Variants in EXOC4 observed in about 807,000 individuals in gnomAD.
EXOC4 encodes SEC8-like 1.
Under a neutral mutation model 107.2 loss-of-function variants are expected in EXOC4, and 71 were observed. That is an observed-to-expected ratio of 0.66 (90% confidence interval 0.55 to 0.81). The LOEUF (loss-of-function observed/expected upper bound fraction) is 0.81, where lower values mean the gene tolerates loss of function less well. EXOC4 is among the 30% of genes least tolerant of loss of function. The pLI, the probability that EXOC4 is intolerant of heterozygous loss-of-function variation, is 0.00. For synonymous variants in EXOC4, 456 were observed against 441.2 expected (o/e 1.03, Z -0.42); for missense variants, 1,108 against 1,189.6 (o/e 0.93, Z 1.01).
In EXOC4 at chr7:134,064,333, G is replaced by T. The variant is rs769212909; in HGVS notation, c.2730G>T (p.Leu910=). Residue 910 remains leucine, a synonymous_variant, in exon 18 of 18, where the codon CTG becomes CTT. Coordinates refer to ENST00000253861, the MANE Select transcript of EXOC4 (RefSeq NM_021807.4). The part of the protein sequence containing the change: ...EMLYNTADEL[L]NLVVDQGVKY... Reference sequence around the variant, plus strand: ...TTTACAACACAGCTGACGAGCTCCTGAACCTGGTGGTGGACCAGGGTGTGA... The same window carrying T: ...TTTACAACACAGCTGACGAGCTCCTTAACCTGGTGGTGGACCAGGGTGTGA... The T allele has an allele frequency of 6.6e-7, 1 of 1,514,760 alleles. No individual in the cohort carries two copies. The allele number at this position is 1,514,760 out of a possible 1,614,324, so 93.8% of individuals were successfully genotyped here.
At chr7:134,077,882 T>A in the EXOC4 span, among the ~76,000 whole-genome samples, 1 of 152,188 alleles carries the variant, frequency 6.6e-6, no homozygotes, top group African/African-American at 2.4e-5. Flanking sequence ...ATACTTGAAG[T>A]CACTAGTTAC....
intron 10 of EXOC4, among the ~76,000 whole-genome samples, chr7:133,706,929 T>A (rs2151092381): frequency 6.6e-6 from 1 of 152,310 alleles, no homozygotes; most frequent in East Asian, 1.9e-4. Flanking sequence ...ACTGTCACAC[T>A]GGGGATTAGG....
At chr7:133,323,568 A>G (rs1282040801) in intron 5 of EXOC4, among the ~76,000 whole-genome samples, 1 of 152,120 alleles carries the variant, frequency 6.6e-6, no homozygotes, top group South Asian at 2.1e-4. Context: ...AGCCCACTTG[A>G]TCATGGTGGA....
At chr7:133,567,080 T>G (rs1038570029) in intron 9 of EXOC4, among the ~76,000 whole-genome samples, 7 of 152,124 alleles carry the variant, frequency 4.6e-5, no homozygotes, top group African/African-American at 1.7e-4. Context: ...AAAAGTAAAT[T>G]TAAATAGGCA....
At chr7:133,312,149 G>C (rs1206132941) in intron 4 of EXOC4, among the ~76,000 whole-genome samples, 2 of 152,132 alleles carry the variant, frequency 1.3e-5, no homozygotes, top group Admixed American at 1.3e-4. Context: ...AAAATATTCA[G>C]CTTAAATGTT....
At chr7:134,000,423 T>C (rs1485611117) in intron 15 of EXOC4, among the ~76,000 whole-genome samples, 1 of 152,170 alleles carries the variant, frequency 6.6e-6, no homozygotes, top group African/African-American at 2.4e-5. Flanking sequence ...TGTGGCTTGT[T>C]CATTGTGATG....
intron 3 of EXOC4, among the ~76,000 whole-genome samples, chr7:133,292,516 G>C (rs1490487159): frequency 1.3e-5 from 2 of 152,106 alleles, no homozygotes; most frequent in Non-Finnish European, 2.9e-5. Flanking sequence ...ACTGGTTGCT[G>C]GTGCATAAGG....
intron 9 of EXOC4, chr7:133,480,633 TACCAA>T (rs1799132713): frequency 6.3e-6 from 1 of 159,334 alleles, no homozygotes; most frequent in African/African-American, 2.4e-5. Context: ...CATGTATAGT[TACCAA>T]AGAGTTGTAA....
intron 7 of EXOC4, among the ~76,000 whole-genome samples, chr7:133,433,735 G>A (rs1797905902): frequency 2.0e-5 from 3 of 152,252 alleles, no homozygotes; most frequent in South Asian, 4.2e-4. Context: ...ATTGTTCAAT[G>A]GCACCTATTT....
chr7:133,274,058 T>C lies in EXOC4; in HGVS notation c.87-924T>C, dbSNP rs61329675. 4.6e-5 allele frequency among the ~76,000 whole-genome samples: 7 copies of C among 152,276 alleles called. No individual in the cohort carries two copies. The East Asian group carries it at 1.4e-3, about 29-fold the overall frequency. ...TAGTGGGGGAAACAAAGATCTGTGG[T>C]CCATGTATCAAACGAAGTTATTGAA... On this transcript the variant is annotated intron_variant, in intron 1 of 17. Coordinates refer to ENST00000253861, the MANE Select transcript of EXOC4 (RefSeq NM_021807.4).
chr7:133,345,620 G>A (rs1204742703), intron 5 of EXOC4, among the ~76,000 whole-genome samples: 1 of 152,046 alleles, frequency 6.6e-6, no homozygotes, highest in African/African-American at 2.4e-5. Context: ...TTCAACAGAT[G>A]TCAATTTTGT....
At chr7:133,547,326 TGA>T (rs1800501167) in intron 9 of EXOC4, among the ~76,000 whole-genome samples, 1 of 152,234 alleles carries the variant, frequency 6.6e-6, no homozygotes, top group African/African-American at 2.4e-5. Flanking sequence ...GATGATCATC[TGA>T]GCCTTCAGCA....
chr7:133,277,336 T>C (rs1026844839), intron 2 of EXOC4, among the ~76,000 whole-genome samples: 10 of 152,218 alleles, frequency 6.6e-5, no homozygotes, highest in Non-Finnish European at 1.3e-4. Context: ...TTGCCTCAGG[T>C]AATAACAGCA....
At chr7:133,579,987 G>A (rs901000625) in intron 9 of EXOC4, among the ~76,000 whole-genome samples, 7 of 152,146 alleles carry the variant, frequency 4.6e-5, no homozygotes, top group Non-Finnish European at 7.3e-5. Context: ...GAGCCACTGC[G>A]CCCGGCCCAC....
At chr7:133,608,043 G>A (rs1162505310) in intron 9 of EXOC4, among the ~76,000 whole-genome samples, 4 of 151,948 alleles carry the variant, frequency 2.6e-5, no homozygotes, top group Non-Finnish European at 2.9e-5. Context: ...TTTGAAATCC[G>A]GCATTTGTTA....
At chr7:133,693,576 T>G (rs1794467807) in intron 10 of EXOC4, among the ~76,000 whole-genome samples, 1 of 152,140 alleles carries the variant, frequency 6.6e-6, no homozygotes. Flanking sequence ...ATTACACAGT[T>G]AGAAAGTCGT....
intron 10 of EXOC4, among the ~76,000 whole-genome samples, chr7:133,656,324 T>C (rs1803294456): frequency 6.6e-6 from 1 of 152,102 alleles, no homozygotes; most frequent in South Asian, 2.1e-4. Flanking sequence ...ATTAATGAGT[T>C]TGAATATTGG....
intron 13 of EXOC4, among the ~76,000 whole-genome samples, chr7:133,923,438 T>C (rs1212192056): frequency 6.6e-6 from 1 of 152,202 alleles, no homozygotes; most frequent in Non-Finnish European, 1.5e-5. Flanking sequence ...TATTTTTTTA[T>C]TTTAGCCAGC....
rs1327691303 is a variant in EXOC4, at chr7:133,651,370, AAC to A, written c.1514+21233_1514+21234del. On this transcript the variant is annotated intron_variant, in intron 10 of 17. Coordinates refer to ENST00000253861, the MANE Select transcript of EXOC4 (RefSeq NM_021807.4). ...AAAACCAAAACAAAATAAGAAAAAA[AAC>A]ACAACACCTATAGTATCCTTAGCAC... 2.8e-3 allele frequency among the ~76,000 whole-genome samples: 146 copies of A among 52,486 alleles called. 1 individual carries two copies. Among genetic ancestry groups the A allele is most frequent in the Non-Finnish European group, 6.7e-4 (14 of 20,934 alleles). 34.4% of individuals were successfully genotyped at this position (52,486 alleles called of 152,430 possible).
Sources: allele counts gnomAD v4.1 joint callset (sites outside exome capture counted in the v4.1 genomes callset), GRCh38; gene constraint gnomAD v4.1.1; transcripts MANE v1.5; gene names NCBI Gene and HGNC (gene_info 2026-07-23, HGNC 2026-07-21).